The following RYR2 variants were observed in gnomAD, a reference collection of about 807,000 sequenced individuals.
The protein encoded by RYR2 is ryanodine receptor 2.
Under a neutral mutation model 601.1 loss-of-function variants are expected in RYR2, and 227 were observed. The ratio of observed to expected loss-of-function variants is 0.38; its 90% CI spans 0.34 to 0.42. The LOEUF (loss-of-function observed/expected upper bound fraction) is 0.42, where lower values mean the gene tolerates loss of function less well. RYR2 is among the 10% of genes least tolerant of loss of function. The pLI is 1.00. For synonymous variants in RYR2, 2,223 were observed against 2,175.1 expected, an observed-to-expected ratio of 1.02 and a Z score of -0.61; for missense variants, 4,646 against 6,156.5, an observed-to-expected ratio of 0.75 and a Z score of 8.21.
chr1:237,171,602 T>A (rs1677402925), intron 1 of RYR2, among the ~76,000 whole-genome samples: 1 of 152,362 alleles, frequency 6.6e-6, no homozygotes, highest in African/African-American at 2.4e-5. Flanking sequence ...TGATCGCCAC[T>A]TGTACTATCA....
chr1:237,727,909 G>A (rs1455384576), intron 76 of RYR2, among the ~76,000 whole-genome samples: 1 of 151,988 alleles, frequency 6.6e-6, no homozygotes, highest in African/African-American at 2.4e-5. Flanking sequence ...GAGAAACTAT[G>A]CTCTTTCCCA....
chr1:237,222,843 AT>A (rs1461779443), intron 1 of RYR2, among the ~76,000 whole-genome samples: 2 of 152,026 alleles, frequency 1.3e-5, no homozygotes, highest in Admixed American at 6.6e-5. Flanking sequence ...ATGTGGGAGG[AT>A]TACCTGAGGT....
chr1:237,511,243 C>T (rs1053496795), intron 23 of RYR2, among the ~76,000 whole-genome samples: 1 of 138,078 alleles, frequency 7.2e-6, no homozygotes, highest in African/African-American at 2.7e-5. Context: ...TTCACGGAGA[C>T]AGACAATAGC....
Position 237,614,747 on chromosome 1 carries a change from A to G in RYR2, c.5619A>G (p.Ala1873=), listed in dbSNP as rs373282364. 4.5e-4 allele frequency: 725 copies of G among 1,613,888 alleles called. 1 individual carries two copies. Among genetic ancestry groups the G allele is most frequent in the Non-Finnish European group, 5.7e-4 (673 of 1,179,774 alleles). Residue 1873 remains alanine (A), a synonymous_variant, in exon 37 of 105, where the codon GCA becomes GCG. Transcript: ENST00000366574. The surrounding 1 kb of genome is among the most constrained non-coding windows in gnomAD (Gnocchi z 4.3). The part of the protein sequence containing the change: ...TLEKELSVDD[A]KLQGAGEEEA... ...AGAAAGAGCTCAGTGTGGACGATGC[A>G]AAGCTGCAAGGAGCTGGTGAGGAAG... is the stretch of plus-strand genomic sequence containing the variant.
intron 100 of RYR2, among the ~76,000 whole-genome samples, chr1:237,818,818 G>A (rs893005858): frequency 4.0e-5 from 6 of 151,580 alleles, no homozygotes; most frequent in African/African-American, 4.9e-5. Context: ...AGTGCTAGGC[G>A]GAGTATGCAG....
chr1:237,688,655 T>C (rs2148974754), intron 63 of RYR2, among the ~76,000 whole-genome samples: 1 of 152,332 alleles, frequency 6.6e-6, no homozygotes, highest in South Asian at 2.1e-4. Flanking sequence ...GAATAATTTC[T>C]AGTTCACTGA....
chr1:237,574,855 T>G (rs529172542), intron 29 of RYR2, among the ~76,000 whole-genome samples: 1 of 152,324 alleles, frequency 6.6e-6, no homozygotes, highest in African/African-American at 2.4e-5. Flanking sequence ...CCATCTTGAT[T>G]ATATCCTTGT....
chr1:237,438,322 T>C (rs1707591461), intron 12 of RYR2, among the ~76,000 whole-genome samples: 1 of 152,174 alleles, frequency 6.6e-6, no homozygotes, highest in African/African-American at 2.4e-5. Context: ...GTTGTTTTTG[T>C]TTTTCCAAAA....
chr1:237,260,606 G>A (rs1435208596), intron 1 of RYR2, among the ~76,000 whole-genome samples: 1 of 152,166 alleles, frequency 6.6e-6, no homozygotes, highest in Non-Finnish European at 1.5e-5. Context: ...ACCAAGGTGG[G>A]CAGATCGCTT....
At chr1:237,514,614 T>C (rs892225978) in intron 24 of RYR2, among the ~76,000 whole-genome samples, 1 of 152,236 alleles carries the variant, frequency 6.6e-6, no homozygotes, top group Non-Finnish European at 1.5e-5. Context: ...CAGTACTTTC[T>C]TCCTATATTT....
At chr1:237,084,406 A>T (rs1417818957) in intron 1 of RYR2, among the ~76,000 whole-genome samples, 1 of 152,218 alleles carries the variant, frequency 6.6e-6, no homozygotes, top group Non-Finnish European at 1.5e-5. Flanking sequence ...TGAGGGTATT[A>T]TGGAAATTGA....
At chr1:237,546,409 G>A (rs928473894) in intron 25 of RYR2, among the ~76,000 whole-genome samples, 1 of 151,832 alleles carries the variant, frequency 6.6e-6, no homozygotes, top group Non-Finnish European at 1.5e-5. Context: ...ACAGAGTCTC[G>A]CCGTGTCACC....
intron 101 of RYR2, among the ~76,000 whole-genome samples, chr1:237,824,049 C>T (rs1276804315): frequency 6.6e-6 from 1 of 152,110 alleles, no homozygotes; most frequent in Non-Finnish European, 1.5e-5. Flanking sequence ...AGCCTACCAA[C>T]CAAAAAAGTC....
intron 1 of RYR2, among the ~76,000 whole-genome samples, chr1:237,091,437 C>CGG (rs1180335223): frequency 1.0e-5 from 1 of 100,412 alleles, no homozygotes; most frequent in African/African-American, 4.2e-5. Flanking sequence ...TTGGGGGGGG[C>CGG]GGGGGGGGAT....
At chr1:237,718,990 A>T (rs1454696245) in intron 73 of RYR2, among the ~76,000 whole-genome samples, 2 of 152,158 alleles carry the variant, frequency 1.3e-5, no homozygotes, top group Non-Finnish European at 2.9e-5. Context: ...TTGGCTAGGC[A>T]CAGTGGCTCA....
intron 2 of RYR2, among the ~76,000 whole-genome samples, chr1:237,275,629 G>A (rs1292642520): frequency 6.6e-6 from 1 of 151,496 alleles, no homozygotes; most frequent in East Asian, 1.9e-4. Flanking sequence ...CCAATAATAA[G>A]AGACGTAACA....
At chr1:237,157,995 C>T (rs369603229) in intron 1 of RYR2, among the ~76,000 whole-genome samples, 5 of 152,192 alleles carry the variant, frequency 3.3e-5, no homozygotes, top group South Asian at 4.2e-4. Flanking sequence ...AGCACATGTG[C>T]CTCCACAAGT....
intron 1 of RYR2, among the ~76,000 whole-genome samples, chr1:237,240,006 G>T (rs930359110): frequency 1.3e-5 from 2 of 152,164 alleles, no homozygotes; most frequent in Non-Finnish European, 2.9e-5. Flanking sequence ...CATTAGAAAA[G>T]ATCATTTTGC....
Position 237,631,880 on chromosome 1 carries a change from GGCCTCC to G in RYR2, c.6555+340_6555+345del, listed in dbSNP as rs1448817364. On this transcript the variant is annotated intron_variant, in intron 42 of 104. Transcript: ENST00000366574. ...CCTGACCTCGTGATCCGCCCGCCTT[GGCCTCC>G]CCTCCCGAAGTGCTGGGATTACAGG... Among the ~76,000 whole-genome samples, 4 of 50,156 alleles carry G rather than the reference GGCCTCC, an allele frequency of 8.0e-5. No individual in the cohort carries two copies. In the South Asian group the frequency reaches 1.2e-3, roughly 15 times the overall value. The allele number at this position is 50,156 out of a possible 152,430, so 32.9% of individuals were successfully genotyped here. A position where few individuals can be genotyped will look rare whatever the true frequency, so the allele number is the denominator to read the frequency against.
Sources: allele counts gnomAD v4.1 joint callset (sites outside exome capture counted in the v4.1 genomes callset), GRCh38; gene constraint gnomAD v4.1.1; non-coding constraint Gnocchi (gnomAD v3.1); transcripts MANE v1.5; gene names NCBI Gene and HGNC (gene_info 2026-07-23, HGNC 2026-07-21).